Variants in THOC5 observed in about 807,000 individuals in gnomAD.
THOC5 encodes THO complex subunit 5.
Under a neutral mutation model 92.9 loss-of-function variants are expected in THOC5, and 43 were observed. The ratio of observed to expected loss-of-function variants is 0.46; its 90% CI spans 0.36 to 0.60. The LOEUF (loss-of-function observed/expected upper bound fraction) is 0.60, where lower values mean the gene tolerates loss of function less well. Among genes scored for constraint, THOC5 ranks in the 20% least tolerant of loss-of-function variants. THOC5 has a pLI of 0.00. For synonymous variants in THOC5, 296 were observed against 320.1 expected (o/e 0.92, Z 0.80); for missense variants, 659 against 849.4 (o/e 0.78, Z 2.79).
intron 2 of THOC5, chr22:29,544,959 C>G: frequency 6.1e-6 from 2 of 328,228 alleles, no homozygotes; most frequent in South Asian, 4.8e-5. Flanking sequence ...TCATACTGTC[C>G]GTGCTGTTAA....
chr22:29,516,122 G>T (rs952246080), intron 17 of THOC5, among the ~76,000 whole-genome samples: 1 of 142,800 alleles, frequency 7.0e-6, no homozygotes, highest in Admixed American at 7.2e-5. Flanking sequence ...CAGCCTGGGC[G>T]ACAAAGCAAG....
chr22:29,517,037 C>A lies in THOC5; in HGVS notation c.1673G>T (p.Arg558Met). 1 of 1,614,168 alleles carries A rather than the reference C, an allele frequency of 6.2e-7. No homozygotes were observed. The highest frequency in any genetic ancestry group is 8.5e-7 in the Non-Finnish European group (1 of 1,180,016). ...TNLYYMALIERGTAKLQAAVV... is the reference protein window; with the variant it reads ...TNLYYMALIEMGTAKLQAAVV... ...ATCAGCAGAGCAATTACCTGTGCCC[C>A]TTTCGATGAGCGCCATGTAGTAGAG... Residue 558 changes from arginine to methionine, a missense_variant, in exon 17 of 20, where the codon AGG becomes ATG. Coordinates refer to ENST00000490103, the MANE Select transcript of THOC5 (RefSeq NM_003678.5).
At chr22:29,537,995 T>C (rs1194835468) in intron 6 of THOC5, among the ~76,000 whole-genome samples, 1 of 152,242 alleles carries the variant, frequency 6.6e-6, no homozygotes, top group East Asian at 1.9e-4. Context: ...TATTTATTTA[T>C]TTTTTGAGAC....
chr22:29,511,374 G>T, intron 18 of THOC5, 78 bp from the exon 19 acceptor site: 1 of 1,509,748 alleles, frequency 6.6e-7, no homozygotes, highest in Non-Finnish European at 9.0e-7. Flanking sequence ...TTCCGTCCCT[G>T]GATGGGCCCG....
intron 11 of THOC5, 132 bp downstream of exon 11, chr22:29,527,946 A>G (rs745873596): frequency 9.4e-5 from 74 of 787,110 alleles, no homozygotes; most frequent in Admixed American, 4.2e-4. Flanking sequence ...AACAATAAGG[A>G]AAAACAAAGC....
At chr22:29,552,104 T>G (rs905378789) in intron 1 of THOC5, among the ~76,000 whole-genome samples, 32 of 152,136 alleles carry the variant, frequency 2.1e-4, no homozygotes, top group Non-Finnish European at 1.5e-5. Context: ...GTGCCCAGGC[T>G]GGAGTGCAGT....
rs981979559 is a variant in THOC5, at chr22:29,529,380, C to T, written c.848-141G>A. On this transcript the variant is annotated intron_variant, in intron 8 of 19. Coordinates refer to ENST00000490103, the MANE Select transcript of THOC5 (RefSeq NM_003678.5). ...AAGGGTGGAAGGGCAAAAGTCCTTGCTCCAGATGAAGGGAAACAAGGTGGG... is the reference window on the plus strand; with the variant it reads ...AAGGGTGGAAGGGCAAAAGTCCTTGTTCCAGATGAAGGGAAACAAGGTGGG... 5.0e-6 allele frequency: 4 copies of T among 795,600 alleles called. No homozygotes were observed. In the Admixed American group the frequency reaches 7.3e-5, roughly 15 times the overall value. The allele number at this position is 795,600 out of a possible 1,614,324, so 49.3% of individuals were successfully genotyped here. A position where few individuals can be genotyped will look rare whatever the true frequency, so the allele number is the denominator to read the frequency against.
chr22:29,511,097 T>C lies in THOC5; in HGVS notation c.1988+9A>G, dbSNP rs1004775741. ...TGAGAAGTCACCAGAGCCCCAACCC[T>C]CTCCTCACCTGAAGAGCCGCAGACA... On this transcript the variant is annotated intron_variant, in intron 19 of 19. Transcript: ENST00000490103. The C allele has an allele frequency of 1.2e-6, 2 of 1,610,886 alleles. No individual in the cohort carries two copies. Among genetic ancestry groups the C allele is most frequent in the Non-Finnish European group, 1.7e-6 (2 of 1,177,642 alleles).
chr22:29,546,933 C>A (rs918182917), intron 2 of THOC5, among the ~76,000 whole-genome samples: 6 of 151,602 alleles, frequency 4.0e-5, no homozygotes, highest in Admixed American at 1.3e-4. Flanking sequence ...TTCTGCCTCC[C>A]GGGTTCAAGC....
At chr22:29,550,091 C>G (rs916479604) in intron 1 of THOC5, among the ~76,000 whole-genome samples, 1 of 152,164 alleles carries the variant, frequency 6.6e-6, no homozygotes, top group Admixed American at 6.6e-5. Context: ...TTTAAAGACA[C>G]TCCCAATACT....
At chr22:29,512,848 A>G (rs540471031) in intron 17 of THOC5, among the ~76,000 whole-genome samples, 6 of 152,326 alleles carry the variant, frequency 3.9e-5, no homozygotes, top group Admixed American at 1.3e-4. Flanking sequence ...TAAACAAAAT[A>G]TTTGTGTTTT....
intron 7 of THOC5, chr22:29,536,295 G>A (rs2063758307): frequency 8.3e-6 from 2 of 241,376 alleles, no homozygotes; most frequent in East Asian, 1.8e-4. Context: ...GACATCCACA[G>A]GAAGCAAGTT....
rs776348096 is a variant in THOC5 at position 29,539,383 on chromosome 22, G to A, written c.546C>T (p.Asp182=). The A allele has an allele frequency of 6.1e-5, 99 of 1,613,892 alleles. No homozygotes were observed. Among genetic ancestry groups the A allele is most frequent in the Admixed American group, 1.2e-4 (7 of 59,988 alleles). The change falls in exon 6 of 20, where the codon GAC becomes GAT. Residue 182 remains aspartate, a synonymous_variant. Transcript: ENST00000490103. The part of the protein sequence containing the change: ...DISKAEVTMG[D]PHQQTLARLD... ...GACGTGCCAGTGTTTGCTGGTGAGGGTCTCCCATGGTGACTTCGGCCTTGC... is the reference window on the plus strand; with the variant it reads ...GACGTGCCAGTGTTTGCTGGTGAGGATCTCCCATGGTGACTTCGGCCTTGC...
intron 11 of THOC5, among the ~76,000 whole-genome samples, chr22:29,527,199 C>T (rs1317076721): frequency 2.6e-5 from 4 of 152,088 alleles, no homozygotes; most frequent in Non-Finnish European, 5.9e-5. Context: ...GCAGGAGGAT[C>T]GTTTGAGCCC....
chr22:29,529,288 T>C (rs770793283), intron 8 of THOC5, 49 bp from the exon 9 acceptor site: 1 of 1,601,728 alleles, frequency 6.2e-7, no homozygotes, highest in Non-Finnish European at 8.6e-7. Flanking sequence ...GGAAAGCTGC[T>C]AAGCAGTGTG....
intron 5 of THOC5, among the ~76,000 whole-genome samples, chr22:29,540,554 C>T (rs1048526400): frequency 6.6e-6 from 1 of 152,316 alleles, no homozygotes; most frequent in South Asian, 2.1e-4. Flanking sequence ...AAGGCCTATG[C>T]TCCTTCCATG....
At chr22:29,522,687 T>C (rs2063467483) in intron 12 of THOC5, among the ~76,000 whole-genome samples, 1 of 152,012 alleles carries the variant, frequency 6.6e-6, no homozygotes, top group Admixed American at 6.6e-5. Flanking sequence ...TTATAAAATT[T>C]TGATAAAAAG....
chr22:29,530,142 CA>C (rs34669031), intron 8 of THOC5, among the ~76,000 whole-genome samples: 16 of 144,312 alleles, frequency 1.1e-4, no homozygotes, highest in Middle Eastern at 6.9e-3. Context: ...GACTCTGTCT[CA>C]AAAAAAAAAG....
chr22:29,538,110 G>A (rs1249168675), intron 6 of THOC5, among the ~76,000 whole-genome samples: 1 of 151,968 alleles, frequency 6.6e-6, no homozygotes, highest in African/African-American at 2.4e-5. Flanking sequence ...AGCCTCCTGA[G>A]TAGCTGGGAC....
Sources: allele counts gnomAD v4.1 joint callset (sites outside exome capture counted in the v4.1 genomes callset), GRCh38; gene constraint gnomAD v4.1.1; transcripts MANE v1.5; gene names NCBI Gene and HGNC (gene_info 2026-07-23, HGNC 2026-07-21).